TMEM178A: variants seen among roughly 807,000 people sequenced by gnomAD.
TMEM178A encodes the protein transmembrane protein 178A.
In TMEM178A, 12 loss-of-function variants were observed where a neutral mutation model predicts 29.1. The ratio of observed to expected loss-of-function variants is 0.41; its 90% CI spans 0.26 to 0.67. The LOEUF (loss-of-function observed/expected upper bound fraction) is 0.67, where lower values mean the gene tolerates loss of function less well. Among genes scored for constraint, TMEM178A ranks in the 30% least tolerant of loss-of-function variants. The pLI, the probability that TMEM178A is intolerant of heterozygous loss-of-function variation, is 0.29. For missense variants in TMEM178A, 366 were observed against 419.1 expected, an observed-to-expected ratio of 0.87 and a Z score of 1.11; for synonymous variants, 210 against 187.2, an observed-to-expected ratio of 1.12 and a Z score of -0.99.
chr2:39,671,290 C>A (rs1019538585), intron 1 of TMEM178A, among the ~76,000 whole-genome samples: 1 of 152,196 alleles, frequency 6.6e-6, no homozygotes, highest in Non-Finnish European at 1.5e-5. Context: ...ATAGTCTGCA[C>A]AGGACCCACC....
Position 39,704,144 on chromosome 2 carries a change from T to G in TMEM178A, c.464T>G (p.Ile155Ser). ...HFSQPIRLRN[I>S]PFNLTKTIQQ... is the part of the protein sequence containing the mutation. ...TCTCAGCCCATCCGCTTGCGAAACATTCCTTTTAATTTAACCAAGACCATA... is the reference window on the plus strand; with the variant it reads ...TCTCAGCCCATCCGCTTGCGAAACAGTCCTTTTAATTTAACCAAGACCATA... Residue 155 changes from isoleucine to serine, a missense_variant, in exon 2 of 4, where the codon ATT becomes AGT. Ile to Ser is a moderately radical substitution (Grantham distance 142). This residue lies in a region of TMEM178A where 247 missense variants were observed against 246.8 expected (regional missense o/e 1.00). Transcript: ENST00000281961. The G allele has an allele frequency of 6.2e-7, 1 of 1,614,182 alleles. No homozygotes were observed. The highest frequency in any genetic ancestry group is 8.5e-7 in the Non-Finnish European group (1 of 1,180,024).
chr2:39,698,931 T>C (rs1413457021), intron 1 of TMEM178A, among the ~76,000 whole-genome samples: 2 of 152,198 alleles, frequency 1.3e-5, no homozygotes. Context: ...TTATCTGTTT[T>C]ATCTAATTTG....
rs752573860 is a variant in TMEM178A at position 39,704,151 on chromosome 2, T to C, written c.471T>C (p.Phe157=). ...SQPIRLRNIP[F]NLTKTIQQDE... ...CCATCCGCTTGCGAAACATTCCTTT[T>C]AATTTAACCAAGACCATACAGCAAG... The change falls in exon 2 of 4, where the codon TTT becomes TTC. Residue 157 remains phenylalanine (F), a synonymous_variant. Coordinates refer to ENST00000281961, the MANE Select transcript of TMEM178A (RefSeq NM_152390.3). The C allele has an allele frequency of 4.3e-6, 7 of 1,614,184 alleles. No individual in the cohort carries two copies. The East Asian group carries it at 1.3e-4, about 31-fold the overall frequency.
At chr2:39,727,321 C>A in the TMEM178A span, among the ~76,000 whole-genome samples, 7 of 152,092 alleles carry the variant, frequency 4.6e-5, no homozygotes, top group African/African-American at 7.2e-5. Flanking sequence ...AATAAAGAAG[C>A]AAATGAACAA....
At chr2:39,711,982 G>A (rs1489799872) in intron 3 of TMEM178A, among the ~76,000 whole-genome samples, 2 of 151,576 alleles carry the variant, frequency 1.3e-5, no homozygotes, top group African/African-American at 4.8e-5. Flanking sequence ...TGCCACTACA[G>A]AGATTGCTTC....
downstream of TMEM178A, among the ~76,000 whole-genome samples, chr2:39,719,533 A>T (rs1672662927): frequency 6.6e-6 from 1 of 152,194 alleles, no homozygotes; most frequent in African/African-American, 2.4e-5. Flanking sequence ...CTCGCTTTCT[A>T]CTTACTGTCA....
At chr2:39,688,608 T>C (rs1326548841) in intron 1 of TMEM178A, among the ~76,000 whole-genome samples, 2 of 152,276 alleles carry the variant, frequency 1.3e-5, no homozygotes, top group African/African-American at 4.8e-5. Flanking sequence ...AACCAGGCTA[T>C]CTAACTGTAA....
At chr2:39,685,893 G>A (rs913114392) in intron 1 of TMEM178A, among the ~76,000 whole-genome samples, 1 of 152,208 alleles carries the variant, frequency 6.6e-6, no homozygotes, top group Non-Finnish European at 1.5e-5. Context: ...CTCCTGGTCT[G>A]CAGTTTGTAG....
At chr2:39,704,681 T>G (rs1248271028) in intron 2 of TMEM178A, among the ~76,000 whole-genome samples, 1 of 152,222 alleles carries the variant, frequency 6.6e-6, no homozygotes, top group Non-Finnish European at 1.5e-5. Flanking sequence ...GGAACTATTC[T>G]TTTTCACTGT....
chr2:39,696,893 A>T (rs555951330), intron 1 of TMEM178A, among the ~76,000 whole-genome samples: 11 of 152,274 alleles, frequency 7.2e-5, no homozygotes, highest in Non-Finnish European at 1.5e-4. Context: ...TAATCACTAA[A>T]TATAAACCAC....
At chr2:39,665,747 G>A (rs942275036), upstream of TMEM178A, 3 of 376,624 alleles carry the variant, frequency 8.0e-6, no homozygotes, top group African/African-American at 7.2e-5. Flanking sequence ...GCGGGGGAGG[G>A]CTAGGAGCCC....
chr2:39,692,164 G>C (rs1056111752), intron 1 of TMEM178A, among the ~76,000 whole-genome samples: 5 of 152,166 alleles, frequency 3.3e-5, no homozygotes, highest in Admixed American at 2.0e-4. Context: ...GTGATAACCA[G>C]GGGCAGGGGG....
intron 1 of TMEM178A, among the ~76,000 whole-genome samples, chr2:39,686,661 C>T (rs1015995498): frequency 6.9e-4 from 84 of 121,048 alleles, no homozygotes; most frequent in African/African-American, 2.7e-3. Context: ...TAGGCAGTAG[C>T]GTCTGGGGGC....
downstream of TMEM178A, among the ~76,000 whole-genome samples, chr2:39,721,830 A>G (rs115968754): frequency 0.029 from 4,404 of 151,824 alleles, 84 homozygotes; most frequent in South Asian, 0.039. Flanking sequence ...CTCTATAAAA[A>G]CATTTTTAAA....
At chr2:39,708,464 G>C in intron 3 of TMEM178A, among the ~76,000 whole-genome samples, 1 of 136,146 alleles carries the variant, frequency 7.3e-6, no homozygotes, top group Non-Finnish European at 1.5e-5. Context: ...TGTCGCCCAG[G>C]CTGGAGTGCA....
At chr2:39,709,565 G>A (rs143795928) in intron 3 of TMEM178A, among the ~76,000 whole-genome samples, 10 of 152,154 alleles carry the variant, frequency 6.6e-5, no homozygotes, top group African/African-American at 9.7e-5. Flanking sequence ...TAAAGCAGAC[G>A]CGGGCAGCAA....
chr2:39,735,449 G>C, the TMEM178A span, among the ~76,000 whole-genome samples: 6 of 152,156 alleles, frequency 3.9e-5, no homozygotes, highest in African/African-American at 1.4e-4. Flanking sequence ...GTATTCCTCA[G>C]GTTTTTGGTG....
intron 1 of TMEM178A, among the ~76,000 whole-genome samples, chr2:39,676,316 G>A (rs1046225714): frequency 6.6e-6 from 1 of 152,210 alleles, no homozygotes; most frequent in Non-Finnish European, 1.5e-5. Context: ...TAATTAAAGA[G>A]ATTCAATGGT....
intron 1 of TMEM178A, among the ~76,000 whole-genome samples, chr2:39,694,164 A>ATAATAG (rs1307750882): frequency 2.0e-5 from 3 of 147,640 alleles, no homozygotes; most frequent in African/African-American, 5.1e-5. Flanking sequence ...AGTAGTAGTA[A>ATAATAG]TAATAATAAT....
Sources: gnomAD v4.1 joint callset for allele counts (sites outside exome capture counted in the v4.1 genomes callset) on GRCh38, gnomAD v4.1.1 for gene constraint, gnomAD v4.1.1 regional missense constraint, MANE v1.5 for transcripts, NCBI Gene and HGNC (gene_info 2026-07-23, HGNC 2026-07-21) for gene names.